DPYSL2: variants seen among roughly 807,000 people sequenced by gnomAD.
DPYSL2 encodes dihydropyrimidinase like 2, also known as dihydropyrimidinase-related protein 2.
In DPYSL2, 13 loss-of-function variants were observed where a neutral mutation model predicts 69.9. The ratio of observed to expected loss-of-function variants is 0.19; its 90% CI spans 0.12 to 0.30. DPYSL2 has a LOEUF of 0.30. Ranked by LOEUF, DPYSL2 falls within the 10% of genes least tolerant of loss-of-function variation. The pLI is 1.00. For missense variants in DPYSL2, 587 were observed against 918.9 expected, an observed-to-expected ratio of 0.64 and a Z score of 4.67; for synonymous variants, 326 against 359.1, an observed-to-expected ratio of 0.91 and a Z score of 1.04.
At chr8:26,649,521 T>C (rs918037368) in intron 11 of DPYSL2, among the ~76,000 whole-genome samples, 4 of 152,210 alleles carry the variant, frequency 2.6e-5, no homozygotes, top group Admixed American at 2.0e-4. Flanking sequence ...AGGTGACCTA[T>C]GGAAGAAATG....
Position 26,624,477 on chromosome 8 carries a change from G to T in DPYSL2, c.793+170G>T, listed in dbSNP as rs770690611. Among the ~76,000 whole-genome samples the T allele has an allele frequency of 2.6e-5, 4 of 152,188 alleles. No individual in the cohort carries two copies. The highest frequency in any genetic ancestry group is 6.5e-5 in the Admixed American group (1 of 15,280). On this transcript the variant is annotated intron_variant, in intron 4 of 13. Coordinates refer to ENST00000521913, the MANE Select transcript of DPYSL2 (RefSeq NM_001197293.3). The surrounding 1 kb of genome is among the most constrained non-coding windows in gnomAD (Gnocchi z 4.7). ...TGGGCCGCAGCTTATGCTGTTTGGAGGTGGCCTTACCCAGTGCAGTAACAT... is the reference window on the plus strand; with the variant it reads ...TGGGCCGCAGCTTATGCTGTTTGGATGTGGCCTTACCCAGTGCAGTAACAT...
chr8:26,588,817 C>T lies in DPYSL2; in HGVS notation c.628+4834C>T, dbSNP rs1053399158. On this transcript the variant is annotated intron_variant, in intron 3 of 13. Coordinates refer to ENST00000521913, the MANE Select transcript of DPYSL2 (RefSeq NM_001197293.3). The surrounding 1 kb of genome is among the most constrained non-coding windows in gnomAD (Gnocchi z 5.4). Reference sequence around the variant, plus strand: ...CCGGTGCCCAGTCCTGGAGAGGGCTCGCTGGAGGTTGTGCTGGCGGTATCT... The same window carrying T: ...CCGGTGCCCAGTCCTGGAGAGGGCTTGCTGGAGGTTGTGCTGGCGGTATCT... 3.9e-5 allele frequency among the ~76,000 whole-genome samples: 6 copies of T among 152,156 alleles called. No individual in the cohort carries two copies. Among genetic ancestry groups the T allele is most frequent in the African/African-American group, 7.2e-5 (3 of 41,434 alleles).
Position 26,644,781 on chromosome 8 carries a change from A to G in DPYSL2, c.1425+690A>G, listed in dbSNP as rs1174411501. On this transcript the variant is annotated intron_variant, in intron 10 of 13. Transcript: ENST00000521913. This position sits in a 1 kb window ranked among gnomAD's most constrained non-coding sequence, Gnocchi z 4.5. ...CTCAATTTCCTTAAAAGTGTCTTTT[A>G]GGGCTCTCTGGACTTAGCATGTCTT... 6.6e-6 allele frequency among the ~76,000 whole-genome samples: 1 copy of G among 152,128 alleles called. No individual in the cohort carries two copies. Among genetic ancestry groups the G allele is most frequent in the African/African-American group, 2.4e-5 (1 of 41,418 alleles).
intron 1 of DPYSL2, among the ~76,000 whole-genome samples, chr8:26,576,808 A>T (rs1269476252): frequency 6.6e-6 from 1 of 152,096 alleles, no homozygotes; most frequent in African/African-American, 2.4e-5. Context: ...TCTCCGCCCC[A>T]CGGTGCGGTG....
Position 26,591,417 on chromosome 8 carries a change from G to A in DPYSL2, c.628+7434G>A, listed in dbSNP as rs188841601. Among the ~76,000 whole-genome samples, 44 of 152,308 alleles carry A rather than the reference G, an allele frequency of 2.9e-4. No individual in the cohort carries two copies. The highest frequency in any genetic ancestry group is 5.7e-4 in the Non-Finnish European group (39 of 68,034). On this transcript the variant is annotated intron_variant, in intron 3 of 13. Coordinates refer to ENST00000521913, the MANE Select transcript of DPYSL2 (RefSeq NM_001197293.3). The surrounding 1 kb of genome is among the most constrained non-coding windows in gnomAD (Gnocchi z 5.8). ...TTCCACGACACACATGTGTCTAAGTGTGCCCTTGTCCTATGTCCTGGCTGA... is the reference window on the plus strand; with the variant it reads ...TTCCACGACACACATGTGTCTAAGTATGCCCTTGTCCTATGTCCTGGCTGA...
In DPYSL2 at chr8:26,588,801, A is replaced by C. The variant is rs937634893; in HGVS notation, c.628+4818A>C. On this transcript the variant is annotated intron_variant, in intron 3 of 13. Coordinates refer to ENST00000521913, the MANE Select transcript of DPYSL2 (RefSeq NM_001197293.3). The surrounding 1 kb of genome is among the most constrained non-coding windows in gnomAD (Gnocchi z 5.4). Reference sequence around the variant, plus strand: ...GCTCCTTGCTGCTTTTCCGGTGCCCAGTCCTGGAGAGGGCTCGCTGGAGGT... The same window carrying C: ...GCTCCTTGCTGCTTTTCCGGTGCCCCGTCCTGGAGAGGGCTCGCTGGAGGT... 2.0e-5 allele frequency among the ~76,000 whole-genome samples: 3 copies of C among 152,138 alleles called. No individual in the cohort carries two copies. Among genetic ancestry groups the C allele is most frequent in the African/African-American group, 7.2e-5 (3 of 41,424 alleles).
At chr8:26,578,028 G>C (rs1357691734) in intron 1 of DPYSL2, 3 of 1,361,650 alleles carry the variant, frequency 2.2e-6, no homozygotes, top group East Asian at 6.0e-5. Flanking sequence ...TTTTTTTTCC[G>C]CCCTAGCTGG....
intron 1 of DPYSL2, among the ~76,000 whole-genome samples, chr8:26,525,320 A>G (rs1260580362): frequency 6.6e-6 from 1 of 152,178 alleles, no homozygotes; most frequent in Non-Finnish European, 1.5e-5. Flanking sequence ...TCCTAGGCTC[A>G]AGCGATCCTC....
chr8:26,543,112 G>A (rs560479783), intron 1 of DPYSL2, among the ~76,000 whole-genome samples: 1 of 152,084 alleles, frequency 6.6e-6, no homozygotes, highest in East Asian at 1.9e-4. Flanking sequence ...TTAAAATACT[G>A]CATTTCCTTA....
intron 7 of DPYSL2, among the ~76,000 whole-genome samples, chr8:26,629,337 CAG>C (rs201556870): frequency 0.022 from 3,230 of 144,740 alleles, 104 homozygotes; most frequent in African/African-American, 0.074. Context: ...CATAGACACA[CAG>C]ACACATACAG....
At chr8:26,634,149 C>T (rs1257333730) in intron 7 of DPYSL2, among the ~76,000 whole-genome samples, 1 of 152,238 alleles carries the variant, frequency 6.6e-6, no homozygotes, top group African/African-American at 2.4e-5. Context: ...GAGTTTCTAG[C>T]CTGTGAGTTT....
At chr8:26,579,258 C>G (rs1801430524) in intron 1 of DPYSL2, among the ~76,000 whole-genome samples, 1 of 152,242 alleles carries the variant, frequency 6.6e-6, no homozygotes, top group South Asian at 2.1e-4. Context: ...ACGTCTGTGC[C>G]GTGAATTAGC....
At chr8:26,542,412 C>A (rs10107642) in intron 1 of DPYSL2, among the ~76,000 whole-genome samples, 78,939 of 151,240 alleles carry the variant, frequency 0.52, 21,396 homozygotes, top group African/African-American at 0.67. Context: ...TTTAAAAATT[C>A]CCATATTAAA....
In DPYSL2 at chr8:26,516,440, G is replaced by A. The variant is rs1173520174; in HGVS notation, c.354+1761G>A. On this transcript the variant is annotated intron_variant, in intron 1 of 13. Transcript: ENST00000521913. The surrounding 1 kb of genome is among the most constrained non-coding windows in gnomAD (Gnocchi z 4.8). ...TCCTAGAGAAAGCAGAAAAACAACT[G>A]GAGAATAAAGAAGAAATCATGTAAA... 6.6e-6 allele frequency among the ~76,000 whole-genome samples: 1 copy of A among 152,144 alleles called. No individual in the cohort carries two copies. The highest frequency in any genetic ancestry group is 1.5e-5 in the Non-Finnish European group (1 of 68,024).
At position 26,650,352 on chromosome 8, in the gene DPYSL2, C is replaced by G. The variant is rs1174019576; in HGVS notation, c.1597-1905C>G. Among the ~76,000 whole-genome samples, 3 of 152,168 alleles carry G rather than the reference C, an allele frequency of 2.0e-5. No individual in the cohort carries two copies. Among genetic ancestry groups the G allele is most frequent in the African/African-American group, 7.2e-5 (3 of 41,448 alleles). On this transcript the variant is annotated intron_variant, in intron 11 of 13. Transcript: ENST00000521913. This position sits in a 1 kb window ranked among gnomAD's most constrained non-coding sequence, Gnocchi z 5.3. ...CCAGTAGGGCACAAGAGGAGGTTGT[C>G]AGGGCATAAACTGTTAGCTGTGGAG... is the stretch of plus-strand genomic sequence containing the variant.
rs371926516 is a variant in DPYSL2, at chr8:26,587,879, A to C, written c.628+3896A>C. ...GAAGCAGCTGGGAACAGTTACCTCT[A>C]TTTTATAGAGGGGAAGACTGAGGCC... On this transcript the variant is annotated intron_variant, in intron 3 of 13. Transcript: ENST00000521913. This position sits in a 1 kb window ranked among gnomAD's most constrained non-coding sequence, Gnocchi z 4.2. Among the ~76,000 whole-genome samples, 1 of 152,116 alleles carries C rather than the reference A, an allele frequency of 6.6e-6. No individual in the cohort carries two copies. Among genetic ancestry groups the C allele is most frequent in the African/African-American group, 2.4e-5 (1 of 41,432 alleles).
chr8:26,600,992 C>T (rs977676571), intron 3 of DPYSL2, among the ~76,000 whole-genome samples: 1 of 152,224 alleles, frequency 6.6e-6, no homozygotes, highest in Non-Finnish European at 1.5e-5. Context: ...TGTCACCCTT[C>T]TGACAGCACA....
chr8:26,648,033 C>G lies in DPYSL2; in HGVS notation c.1596+233C>G, dbSNP rs111344812. On this transcript the variant is annotated intron_variant, in intron 11 of 13. Transcript: ENST00000521913. This position sits in a 1 kb window ranked among gnomAD's most constrained non-coding sequence, Gnocchi z 4.3. ...TTTTGGAATACCACAGCCTCTCTAT[C>G]TATAGACCTTTAGAGCCTCTAAAGT... Among the ~76,000 whole-genome samples, 1 of 152,190 alleles carries G rather than the reference C, an allele frequency of 6.6e-6. No individual in the cohort carries two copies. Among genetic ancestry groups the G allele is most frequent in the African/African-American group, 2.4e-5 (1 of 41,442 alleles).
At chr8:26,540,830 G>A (rs968972510) in intron 1 of DPYSL2, among the ~76,000 whole-genome samples, 3 of 151,584 alleles carry the variant, frequency 2.0e-5, no homozygotes, top group South Asian at 2.1e-4. Flanking sequence ...GCTTGAACCC[G>A]GGAGGCAGAG....
Sources: gnomAD v4.1 joint callset for allele counts (sites outside exome capture counted in the v4.1 genomes callset) on GRCh38, gnomAD v4.1.1 for gene constraint, Gnocchi (gnomAD v3.1) non-coding constraint, MANE v1.5 for transcripts, NCBI Gene and HGNC (gene_info 2026-07-23, HGNC 2026-07-21) for gene names.